Variants in NTN4 observed in about 807,000 individuals in gnomAD.
NTN4 encodes the protein netrin-4.
In NTN4, 32 loss-of-function variants were observed where a neutral mutation model predicts 73.6. The observed-to-expected ratio is 0.44, with a 90% CI of 0.33 to 0.58. The LOEUF (loss-of-function observed/expected upper bound fraction) is 0.58, where lower values mean the gene tolerates loss of function less well. NTN4 is among the 20% of genes least tolerant of loss of function. The pLI, the probability that NTN4 is intolerant of heterozygous loss-of-function variation, is 0.04. For missense variants in NTN4, 654 were observed against 798.3 expected (o/e 0.82, Z 2.18); for synonymous variants, 258 against 287.5 (o/e 0.90, Z 1.04).
intron 2 of NTN4, among the ~76,000 whole-genome samples, chr12:95,778,421 C>G (rs1430417632): frequency 6.6e-6 from 1 of 151,362 alleles, no homozygotes; most frequent in Non-Finnish European, 1.5e-5. Context: ...CTAGCAAGAC[C>G]AATAAAGAAG....
intron 2 of NTN4, among the ~76,000 whole-genome samples, chr12:95,755,710 G>A (rs1412576908): frequency 1.3e-5 from 2 of 152,288 alleles, no homozygotes; most frequent in Admixed American, 6.5e-5. Context: ...TTACTTGTAC[G>A]ATAATAACCT....
In NTN4 at chr12:95,661,945, T is replaced by C. The variant is rs189688221; in HGVS notation, c.1751-2723A>G. Among the ~76,000 whole-genome samples, 4 of 152,212 alleles carry C rather than the reference T, an allele frequency of 2.6e-5. No individual in the cohort carries two copies. In the East Asian group the frequency reaches 7.7e-4, roughly 29 times the overall value. ...GCTGTAGAGGACATTTTGGGATCAG[T>C]TGGGAAATAGAAATATGACCTGAGT... On this transcript the variant is annotated intron_variant, in intron 9 of 9. Coordinates refer to ENST00000343702, the MANE Select transcript of NTN4 (RefSeq NM_021229.4).
At chr12:95,683,982 G>A (rs2078340409) in intron 5 of NTN4, among the ~76,000 whole-genome samples, 1 of 152,200 alleles carries the variant, frequency 6.6e-6, no homozygotes. Flanking sequence ...TGGTTGGGGT[G>A]ATGAGGACGA....
At chr12:95,771,335 G>C (rs1002902334) in intron 2 of NTN4, among the ~76,000 whole-genome samples, 8 of 152,210 alleles carry the variant, frequency 5.3e-5, no homozygotes, top group Non-Finnish European at 8.8e-5. Flanking sequence ...AAACTGCCTG[G>C]CACAGAAACT....
At chr12:95,677,109 G>A (rs574265686) in intron 7 of NTN4, among the ~76,000 whole-genome samples, 18 of 152,016 alleles carry the variant, frequency 1.2e-4, no homozygotes, top group South Asian at 4.2e-4. Flanking sequence ...GGTGGCATGC[G>A]CCTGTAGTCC....
chr12:95,739,577 G>C (rs772475800), intron 2 of NTN4, among the ~76,000 whole-genome samples: 1 of 152,170 alleles, frequency 6.6e-6, no homozygotes, highest in Non-Finnish European at 1.5e-5. Context: ...GCTTTATATG[G>C]AACTGATTCT....
chr12:95,662,231 C>CT (rs1592804538), intron 9 of NTN4, among the ~76,000 whole-genome samples: 5 of 33,486 alleles, frequency 1.5e-4, no homozygotes, highest in South Asian at 1.9e-3. Flanking sequence ...CTTCCTTTTT[C>CT]TTTCTTTTTT....
intron 9 of NTN4, among the ~76,000 whole-genome samples, chr12:95,659,699 A>C: frequency 6.6e-6 from 1 of 152,348 alleles, no homozygotes; most frequent in East Asian, 1.9e-4. Flanking sequence ...TGTATGCTTT[A>C]CATGTATGAT....
At position 95,685,138 on chromosome 12, in the gene NTN4, T is replaced by C. The variant is rs577288129; in HGVS notation, c.1181-1427A>G. Among the ~76,000 whole-genome samples, 13 of 152,212 alleles carry C rather than the reference T, an allele frequency of 8.5e-5. No homozygotes were observed. The East Asian group carries it at 2.3e-3, about 27-fold the overall frequency. On this transcript the variant is annotated intron_variant, in intron 5 of 9. Transcript: ENST00000343702. ...ACCTCGACCTCCCAAAGTGCTGGGATTGATTACAGGCGTGAGCCACTGTGC... is the reference window on the plus strand; with the variant it reads ...ACCTCGACCTCCCAAAGTGCTGGGACTGATTACAGGCGTGAGCCACTGTGC...
intron 2 of NTN4, among the ~76,000 whole-genome samples, chr12:95,771,693 T>C (rs146376850): frequency 6.6e-5 from 10 of 152,270 alleles, no homozygotes; most frequent in African/African-American, 2.4e-4. Flanking sequence ...AGTTAGATAA[T>C]TTCAACATGA....
intron 2 of NTN4, among the ~76,000 whole-genome samples, chr12:95,753,132 G>A (rs1050692515): frequency 1.4e-4 from 22 of 152,094 alleles, no homozygotes; most frequent in African/African-American, 3.1e-4. Flanking sequence ...CCCTGATAAC[G>A]CTTGATTTAT....
At chr12:95,703,390 G>A (rs184881105) in intron 5 of NTN4, among the ~76,000 whole-genome samples, 3 of 152,244 alleles carry the variant, frequency 2.0e-5, no homozygotes, top group Admixed American at 1.3e-4. Flanking sequence ...ATCTTCTAGC[G>A]TGTGTCTTCC....
intron 3 of NTN4, among the ~76,000 whole-genome samples, chr12:95,723,293 A>G (rs1452286862): frequency 1.5e-5 from 1 of 66,584 alleles, no homozygotes; most frequent in African/African-American, 3.3e-5. Flanking sequence ...CCCTGTGCCC[A>G]CCACCAAGAG....
intron 7 of NTN4, among the ~76,000 whole-genome samples, chr12:95,678,237 T>G (rs772560186): frequency 5.3e-5 from 8 of 150,754 alleles, no homozygotes; most frequent in Non-Finnish European, 8.9e-5. Context: ...ACCTAATGCG[T>G]GCAGGGCTTA....
intron 2 of NTN4, among the ~76,000 whole-genome samples, chr12:95,743,315 T>C (rs765001764): frequency 4.6e-5 from 7 of 152,314 alleles, no homozygotes; most frequent in Middle Eastern, 6.8e-3. Flanking sequence ...TCTGCTTTTA[T>C]CTTTATTATT....
At chr12:95,749,333 G>C (rs1172386473) in intron 2 of NTN4, among the ~76,000 whole-genome samples, 2 of 152,100 alleles carry the variant, frequency 1.3e-5, no homozygotes, top group Non-Finnish European at 2.9e-5. Flanking sequence ...AGATCAATCC[G>C]CTGTACTCCT....
chr12:95,687,412 G>A lies in NTN4; in HGVS notation c.1181-3701C>T, dbSNP rs12424041. ...TTTTTTTTTGTTTTTTTGTTTTTTT[G>A]TTTTTTGTGATGGAGTCTTGCTTTA... On this transcript the variant is annotated intron_variant, in intron 5 of 9. Coordinates refer to ENST00000343702, the MANE Select transcript of NTN4 (RefSeq NM_021229.4). Among the ~76,000 whole-genome samples the A allele has an allele frequency of 9.8e-4, 102 of 104,496 alleles. 1 individual carries two copies. Among genetic ancestry groups the A allele is most frequent in the Non-Finnish European group, 3.6e-4 (16 of 45,058 alleles). The allele number at this position is 104,496 out of a possible 152,430, so 68.6% of individuals were successfully genotyped here. A position where few individuals can be genotyped will look rare whatever the true frequency, so the allele number is the denominator to read the frequency against.
chr12:95,754,875 A>G (rs1430980014), intron 2 of NTN4, among the ~76,000 whole-genome samples: 1 of 152,202 alleles, frequency 6.6e-6, no homozygotes, highest in African/African-American at 2.4e-5. Context: ...GTCTCTTCAC[A>G]TGGACGCGCA....
At position 95,703,938 on chromosome 12, in the gene NTN4, A is replaced by T. The variant is rs182078366; in HGVS notation, c.1180+6503T>A. On this transcript the variant is annotated intron_variant, in intron 5 of 9. Transcript: ENST00000343702. ...AGAGCACTCTCAACCTTAAAAAAAA[A>T]TTTTTAAGAGATGGGAAATTTCTCT... Among the ~76,000 whole-genome samples the T allele has an allele frequency of 7.0e-4, 107 of 152,040 alleles. No individual in the cohort carries two copies. The East Asian group carries it at 0.019, about 27-fold the overall frequency.
Sources: allele counts gnomAD v4.1 joint callset (sites outside exome capture counted in the v4.1 genomes callset), GRCh38; gene constraint gnomAD v4.1.1; transcripts MANE v1.5; gene names NCBI Gene and HGNC (gene_info 2026-07-23, HGNC 2026-07-21).